The following TENM2 variants were observed in gnomAD, a reference collection of about 807,000 sequenced individuals.
TENM2 encodes the protein teneurin transmembrane protein 2.
A neutral mutation model predicts 245.2 loss-of-function variants in TENM2; 52 were observed. That is an observed-to-expected ratio of 0.21 (90% CI 0.17 to 0.27). The LOEUF (loss-of-function observed/expected upper bound fraction) is 0.27. Ranked by LOEUF, TENM2 falls within the 10% of genes least tolerant of loss-of-function variation. TENM2 has a pLI of 1.00. For missense variants in TENM2, 3,046 were observed against 3,666.8 expected (o/e 0.83, Z 4.37); for synonymous variants, 1,363 against 1,438.9 (o/e 0.95, Z 1.19).
chr5:167,450,504 A>C (rs1765511827), intron 2 of TENM2, among the ~76,000 whole-genome samples: 1 of 152,190 alleles, frequency 6.6e-6, no homozygotes, highest in African/African-American at 2.4e-5. Flanking sequence ...TTTGATGCTC[A>C]GTAAATATTT....
intron 1 of TENM2, among the ~76,000 whole-genome samples, chr5:167,312,395 C>T (rs2127756263): frequency 6.6e-6 from 1 of 152,232 alleles, no homozygotes; most frequent in South Asian, 2.1e-4. Flanking sequence ...CTTGCCCCGG[C>T]TGTCAAATAT....
At chr5:167,467,093 G>A (rs762931855) in intron 2 of TENM2, among the ~76,000 whole-genome samples, 10 of 152,134 alleles carry the variant, frequency 6.6e-5, no homozygotes, top group South Asian at 2.1e-4. Context: ...TAGTATCCCC[G>A]CTGAAATCTC....
chr5:167,929,010 AAAAG>A (rs1177957785), intron 3 of TENM2, among the ~76,000 whole-genome samples: 74 of 137,272 alleles, frequency 5.4e-4, no homozygotes, highest in South Asian at 1.6e-3. Context: ...GAAAGAGAGA[AAAAG>A]AAAGAGAAAG....
chr5:167,506,874 T>C (rs2127563538), intron 2 of TENM2, among the ~76,000 whole-genome samples: 1 of 152,312 alleles, frequency 6.6e-6, no homozygotes, highest in Non-Finnish European at 1.5e-5. Flanking sequence ...TTGAAAATTT[T>C]CCATCATCTT....
At chr5:167,465,236 C>T (rs184176836) in intron 2 of TENM2, among the ~76,000 whole-genome samples, 5 of 152,310 alleles carry the variant, frequency 3.3e-5, no homozygotes, top group Middle Eastern at 3.4e-3. Flanking sequence ...TTTAAGCATT[C>T]TAATATGGCT....
intron 25 of TENM2, among the ~76,000 whole-genome samples, chr5:168,236,679 G>C (rs1244850158): frequency 6.6e-6 from 1 of 151,794 alleles, no homozygotes; most frequent in Non-Finnish European, 1.5e-5. Flanking sequence ...CCTCTGGCCT[G>C]TGGCCTGCCC....
At chr5:168,237,340 T>G (rs1765596807) in intron 25 of TENM2, among the ~76,000 whole-genome samples, 1 of 151,900 alleles carries the variant, frequency 6.6e-6, no homozygotes, top group Admixed American at 6.6e-5. Context: ...CTATTCCTGA[T>G]TTTCCACGTT....
At chr5:167,197,040 T>C in the TENM2 span, among the ~76,000 whole-genome samples, 10 of 152,086 alleles carry the variant, frequency 6.6e-5, no homozygotes, top group African/African-American at 2.4e-4. Context: ...AATGCCAAGA[T>C]TGTCAGTGAA....
rs386405596 is a variant in TENM2 at position 167,537,250 on chromosome 5, C to CAAAAAAAAA, written c.502+161787_502+161795dup. On this transcript the variant is annotated intron_variant, in intron 2 of 28. Transcript: ENST00000518659. ...AATATAGTGAGACCCCCATCTCTAC[C>CAAAAAAAAA]AAAAAAAAAAAAAAAAAAGCCAGTT... 3.7e-5 allele frequency among the ~76,000 whole-genome samples: 4 copies of CAAAAAAAAA among 108,726 alleles called. 1 individual carries two copies. The highest frequency in any genetic ancestry group is 7.1e-5 in the Non-Finnish European group (4 of 56,486). The allele number at this position is 108,726 out of a possible 152,430, so 71.3% of individuals were successfully genotyped here. A position where few individuals can be genotyped will look rare whatever the true frequency, so the allele number is the denominator to read the frequency against.
At chr5:168,009,716 C>T (rs1785086327) in intron 5 of TENM2, among the ~76,000 whole-genome samples, 1 of 152,202 alleles carries the variant, frequency 6.6e-6, no homozygotes, top group Non-Finnish European at 1.5e-5. Flanking sequence ...ATTGGGATTG[C>T]CTGTGAGGAT....
chr5:167,758,756 G>T (rs139730815), intron 2 of TENM2, among the ~76,000 whole-genome samples: 3 of 152,088 alleles, frequency 2.0e-5, no homozygotes, highest in Non-Finnish European at 1.5e-5. Flanking sequence ...CATGCACACT[G>T]ACATAACTTC....
At chr5:167,758,444 G>A (rs1762446970) in intron 2 of TENM2, among the ~76,000 whole-genome samples, 1 of 152,068 alleles carries the variant, frequency 6.6e-6, no homozygotes, top group Admixed American at 6.6e-5. Context: ...GAGAGAGGCA[G>A]GGGCACTTCC....
chr5:167,457,697 G>A (rs1008462641), intron 2 of TENM2, among the ~76,000 whole-genome samples: 1 of 152,134 alleles, frequency 6.6e-6, no homozygotes, highest in African/African-American at 2.4e-5. Context: ...TATGCAAAAT[G>A]ACAAAGTACT....
At chr5:167,512,444 A>G (rs1770031584) in intron 2 of TENM2, among the ~76,000 whole-genome samples, 1 of 152,136 alleles carries the variant, frequency 6.6e-6, no homozygotes, top group Non-Finnish European at 1.5e-5. Flanking sequence ...ATGACAGTGC[A>G]TAATAAAACG....
the TENM2 span, among the ~76,000 whole-genome samples, chr5:167,071,099 C>T: frequency 6.6e-6 from 1 of 152,114 alleles, no homozygotes; most frequent in South Asian, 2.1e-4. Flanking sequence ...CACGCAAGCC[C>T]TGTGTGCTTC....
chr5:167,486,753 G>A (rs1326242414), intron 2 of TENM2, among the ~76,000 whole-genome samples: 1 of 152,046 alleles, frequency 6.6e-6, no homozygotes. Context: ...CTACTGCATG[G>A]CATTTGGTTG....
the TENM2 span, among the ~76,000 whole-genome samples, chr5:167,277,466 G>A: frequency 6.6e-6 from 1 of 151,926 alleles, no homozygotes; most frequent in Non-Finnish European, 1.5e-5. Flanking sequence ...TTGTTGTCAG[G>A]GAACATACTC....
chr5:167,696,011 G>A (rs1009796565), intron 2 of TENM2, among the ~76,000 whole-genome samples: 1 of 150,960 alleles, frequency 6.6e-6, no homozygotes, highest in Non-Finnish European at 1.5e-5. Flanking sequence ...TCCAGCCTGG[G>A]CGACAGAGCA....
the TENM2 span, among the ~76,000 whole-genome samples, chr5:167,008,553 T>G: frequency 6.6e-6 from 1 of 152,192 alleles, no homozygotes; most frequent in Non-Finnish European, 1.5e-5. Flanking sequence ...ATCAGTTTTG[T>G]GTGTTTGTGC....
Sources: allele counts gnomAD v4.1 joint callset (sites outside exome capture counted in the v4.1 genomes callset), GRCh38; gene constraint gnomAD v4.1.1; transcripts MANE v1.5; gene names NCBI Gene and HGNC (gene_info 2026-07-23, HGNC 2026-07-21).